The following ARHGAP32 variants were observed in gnomAD, a reference collection of about 807,000 sequenced individuals.
The protein encoded by ARHGAP32 is Rho GTPase activating protein 32.
Under a neutral mutation model 186.5 loss-of-function variants are expected in ARHGAP32, and 51 were observed. That is an observed-to-expected ratio of 0.27 (90% CI 0.22 to 0.35). The LOEUF is 0.35. Among genes scored for constraint, ARHGAP32 ranks in the 10% least tolerant of loss-of-function variants. ARHGAP32 has a pLI of 1.00. For missense variants in ARHGAP32, 2,186 were observed against 2,623.5 expected (o/e 0.83, Z 3.64); for synonymous variants, 950 against 964.3 (o/e 0.99, Z 0.27).
In ARHGAP32 at chr11:128,968,952, T is replaced by A. The variant is rs1420801845; in HGVS notation, c.6261A>T (p.Ala2087=). Residue 2087 remains alanine, a synonymous_variant, in exon 23 of 23, where the codon GCA becomes GCT. Coordinates refer to ENST00000682385, the MANE Select transcript of ARHGAP32 (RefSeq NM_001378024.1). ...TALGQGAFLP[A]ELSLQHPETQ... ...TTTCAGGATGCTGCAAGGACAACTC[T>A]GCGGGCAGGAAGGCCCCTTGACCCA... The A allele has an allele frequency of 6.4e-7, 1 of 1,562,340 alleles. No homozygotes were observed. The highest frequency in any genetic ancestry group is 1.2e-5 in the South Asian group (1 of 84,044).
intron 2 of ARHGAP32, among the ~76,000 whole-genome samples, chr11:129,143,074 T>TATATATATAG (rs1555101122): frequency 6.8e-6 from 1 of 147,098 alleles, no homozygotes; most frequent in Admixed American, 6.7e-5. Flanking sequence ...TAAAACTGCA[T>TATATATATAG]ATATATATAT....
chr11:129,215,020 C>T (rs937614126), intron 1 of ARHGAP32, among the ~76,000 whole-genome samples: 1 of 152,146 alleles, frequency 6.6e-6, no homozygotes, highest in African/African-American at 2.4e-5. Context: ...CTTAGGAACA[C>T]TCAAAATGGA....
intron 5 of ARHGAP32, among the ~76,000 whole-genome samples, chr11:129,115,255 C>T (rs894556138): frequency 3.3e-5 from 5 of 152,006 alleles, no homozygotes; most frequent in African/African-American, 9.7e-5. Flanking sequence ...GAGTTCAGGA[C>T]GCCAAGAGGA....
At chr11:129,162,098 A>G (rs1943541898) in intron 2 of ARHGAP32, among the ~76,000 whole-genome samples, 1 of 152,174 alleles carries the variant, frequency 6.6e-6, no homozygotes, top group Non-Finnish European at 1.5e-5. Context: ...TTGAACAATG[A>G]GAACACATGG....
chr11:129,059,383 T>G (rs1193287245), intron 10 of ARHGAP32, among the ~76,000 whole-genome samples: 1 of 152,198 alleles, frequency 6.6e-6, no homozygotes, highest in Non-Finnish European at 1.5e-5. Flanking sequence ...ACATGTCTCC[T>G]CTTTCACACC....
chr11:129,266,359 G>T lies in ARHGAP32; in HGVS notation c.-5+12787C>A, dbSNP rs572257643. 3.3e-5 allele frequency among the ~76,000 whole-genome samples: 5 copies of T among 152,050 alleles called. No individual in the cohort carries two copies. In the East Asian group the frequency reaches 9.7e-4, roughly 29 times the overall value. ...TGTTCATTAAAATATATATATATAT[G>T]CTCCTAAACCTGCCCATAAAGCACC... On this transcript the variant is annotated intron_variant, in intron 1 of 6. Transcript: ENST00000525234.
chr11:129,207,667 T>C (rs1944531562), intron 1 of ARHGAP32, among the ~76,000 whole-genome samples: 1 of 152,086 alleles, frequency 6.6e-6, no homozygotes, highest in Non-Finnish European at 1.5e-5. Context: ...TGCAAAAAAT[T>C]TTCTCCCATT....
intron 1 of ARHGAP32, among the ~76,000 whole-genome samples, chr11:129,255,840 T>C (rs544656415): frequency 1.3e-5 from 2 of 152,216 alleles, no homozygotes; most frequent in Admixed American, 6.6e-5. Context: ...CCAGGGATTC[T>C]ACTCCAAAGT....
intron 21 of ARHGAP32, 54 bp downstream of exon 21, chr11:128,974,070 A>G (rs1565349220): frequency 6.3e-7 from 1 of 1,576,516 alleles, no homozygotes; most frequent in Non-Finnish European, 8.6e-7. Flanking sequence ...GATGGCACAC[A>G]GGATTGAAGA....
chr11:128,968,825 TGTTTA>T lies in ARHGAP32; in HGVS notation c.*77_*81del, dbSNP rs1403777047. ...TGGTCAGGGGTTTTATAGTATTTTT[TGTTTA>T]ATCTTTTTGGTTATTGAAAAAAATA... On this transcript the variant is annotated 3_prime_UTR_variant, in exon 23 of 23. Coordinates refer to ENST00000682385, the MANE Select transcript of ARHGAP32 (RefSeq NM_001378024.1). The T allele has an allele frequency of 9.0e-7, 1 of 1,113,798 alleles. No individual in the cohort carries two copies. Among genetic ancestry groups the T allele is most frequent in the Non-Finnish European group, 1.2e-6 (1 of 850,204 alleles). 69.0% of individuals were successfully genotyped at this position (1,113,798 alleles called of 1,614,324 possible). A position where few individuals can be genotyped will look rare whatever the true frequency, so the allele number is the denominator to read the frequency against.
chr11:129,193,327 GCGGGA>G (rs1401490938), upstream of ARHGAP32, among the ~76,000 whole-genome samples: 4 of 4,840 alleles, frequency 8.3e-4, no homozygotes, highest in African/African-American at 1.1e-3. Context: ...GGGGGGGGGG[GCGGGA>G]AACAGCCAAG....
At chr11:129,043,879 A>G (rs1172947355) in intron 10 of ARHGAP32, among the ~76,000 whole-genome samples, 18 of 152,080 alleles carry the variant, frequency 1.2e-4, no homozygotes, top group Admixed American at 1.2e-3. Flanking sequence ...CCATATAGTA[A>G]TTTTTAGTTG....
At position 128,970,484 on chromosome 11, in the gene ARHGAP32, A is replaced by G. The variant is rs1945333596; in HGVS notation, c.4729T>C (p.Ser1577Pro). 11 of 1,614,098 alleles carry G rather than the reference A, an allele frequency of 6.8e-6. No homozygotes were observed. The East Asian group carries it at 1.6e-4, about 23-fold the overall frequency. Residue 1577 changes from serine (S) to proline (P), a missense_variant, in exon 23 of 23, where the codon TCC becomes CCC. Physicochemically the swap from Ser to Pro is moderately conservative, Grantham distance 74 (BLOSUM62 -1). Transcript: ENST00000682385. The surrounding 1 kb of genome is among the most constrained non-coding windows in gnomAD (Gnocchi z 5.8). ...GGGTAACAGGTATTCCTGACAGAGG[A>G]GCTCAAAGAAGACACATACTCGACC... ...SRVEYVSSLS[S>P]SVRNTCYPED... is the part of the protein sequence containing the mutation.
intron 2 of ARHGAP32, among the ~76,000 whole-genome samples, chr11:129,161,065 T>C (rs1943519251): frequency 6.6e-6 from 1 of 152,168 alleles, no homozygotes; most frequent in African/African-American, 2.4e-5. Context: ...AAGGATTCCT[T>C]ATTTAATAAA....
chr11:129,074,797 A>T lies in ARHGAP32; in HGVS notation c.532-7929T>A, dbSNP rs962861465. ...ATGAGCCACCACACCCGGCCTAAAA[A>T]AATTTTTTTTAATGTAATTGATATT... On this transcript the variant is annotated intron_variant, in intron 6 of 22. Coordinates refer to ENST00000682385, the MANE Select transcript of ARHGAP32 (RefSeq NM_001378024.1). 5.9e-5 allele frequency among the ~76,000 whole-genome samples: 9 copies of T among 152,254 alleles called. No homozygotes were observed. In the South Asian group the frequency reaches 6.2e-4, roughly 11 times the overall value.
intron 2 of ARHGAP32, among the ~76,000 whole-genome samples, chr11:129,145,491 T>C (rs965062943): frequency 2.7e-5 from 4 of 149,862 alleles, no homozygotes; most frequent in Non-Finnish European, 4.5e-5. Context: ...AGAAGAACCA[T>C]TGTCCCTCCA....
intron 1 of ARHGAP32, among the ~76,000 whole-genome samples, chr11:129,213,944 T>C (rs1944613112): frequency 6.6e-6 from 1 of 152,094 alleles, no homozygotes. Context: ...ATGTTTGTTT[T>C]GTTTTCTTAT....
chr11:129,185,893 T>C (rs568952322), intron 1 of ARHGAP32, among the ~76,000 whole-genome samples: 2 of 152,218 alleles, frequency 1.3e-5, no homozygotes, highest in Admixed American at 6.5e-5. Context: ...CATGTATGAT[T>C]ATGAGAACAT....
intron 2 of ARHGAP32, among the ~76,000 whole-genome samples, chr11:129,162,134 C>T (rs966861500): frequency 1.3e-4 from 19 of 151,992 alleles, no homozygotes; most frequent in Admixed American, 8.5e-4. Context: ...CATCACACAC[C>T]GGGGCCTGTC....
Sources: gnomAD v4.1 joint callset for allele counts (sites outside exome capture counted in the v4.1 genomes callset) on GRCh38, gnomAD v4.1.1 for gene constraint, Gnocchi (gnomAD v3.1) non-coding constraint, MANE v1.5 for transcripts, NCBI Gene and HGNC (gene_info 2026-07-23, HGNC 2026-07-21) for gene names.